IKZF2: variants seen among roughly 807,000 people sequenced by gnomAD.
The protein encoded by IKZF2 is IKAROS family zinc finger 2, also known as zinc finger protein Helios.
Under a neutral mutation model 49.2 loss-of-function variants are expected in IKZF2, and 15 were observed. That is an observed-to-expected ratio of 0.30 (90% CI 0.20 to 0.47). The LOEUF is 0.47. Among genes scored for constraint, IKZF2 ranks in the 20% least tolerant of loss-of-function variants. The pLI, the probability that IKZF2 is intolerant of heterozygous loss-of-function variation, is 1.00. For synonymous variants in IKZF2, 227 were observed against 221.4 expected (o/e 1.03, Z -0.23); for missense variants, 567 against 664.6 (o/e 0.85, Z 1.61).
In IKZF2 at chr2:213,013,742, T is replaced by C. The variant is rs1696246135; in HGVS notation, c.856+49A>G. 3 of 1,547,766 alleles carry C rather than the reference T, an allele frequency of 1.9e-6. No individual in the cohort carries two copies. In the South Asian group the frequency reaches 3.7e-5, roughly 19 times the overall value. Reference sequence around the variant, plus strand: ...TTCTAATACATGGGAACTTGCCTTTTCCTATTAACATCACCTTGCAAAGAA... The same window carrying C: ...TTCTAATACATGGGAACTTGCCTTTCCCTATTAACATCACCTTGCAAAGAA... On this transcript the variant is annotated intron_variant, in intron 8 of 8. Transcript: ENST00000434687.
intron 4 of IKZF2, among the ~76,000 whole-genome samples, chr2:213,100,139 G>T (rs1161848750): frequency 6.6e-6 from 1 of 151,970 alleles, no homozygotes; most frequent in Admixed American, 6.6e-5. Context: ...TCTGTGGGAA[G>T]GACCAATTGG....
chr2:213,061,275 C>T (rs552321695), intron 4 of IKZF2, among the ~76,000 whole-genome samples: 2 of 151,496 alleles, frequency 1.3e-5, no homozygotes, highest in African/African-American at 4.8e-5. Flanking sequence ...GACAGTTACA[C>T]TAGACTTGCC....
At chr2:213,141,631 G>A (rs1293675382) in intron 4 of IKZF2, among the ~76,000 whole-genome samples, 1 of 151,674 alleles carries the variant, frequency 6.6e-6, no homozygotes, top group Non-Finnish European at 1.5e-5. Flanking sequence ...ATAAGTCTCG[G>A]CTCAAGCAGT....
In IKZF2 at chr2:213,093,457, T is replaced by C. The variant is rs542255923; in HGVS notation, c.140-36358A>G. Among the ~76,000 whole-genome samples, 203 of 152,282 alleles carry C rather than the reference T, an allele frequency of 1.3e-3. 1 individual carries two copies. Among genetic ancestry groups the C allele is most frequent in the African/African-American group, 4.7e-3 (197 of 41,566 alleles). On this transcript the variant is annotated intron_variant, in intron 4 of 8. Coordinates refer to ENST00000434687, the MANE Select transcript of IKZF2 (RefSeq NM_001387220.1). Reference sequence around the variant, plus strand: ...ATCTGAGTGGCCCCCACTCCTTACCTCCTCTATAGTTTAAATTTCACTTAC... The same window carrying C: ...ATCTGAGTGGCCCCCACTCCTTACCCCCTCTATAGTTTAAATTTCACTTAC...
chr2:213,093,084 T>A (rs1705542361), intron 4 of IKZF2, among the ~76,000 whole-genome samples: 1 of 152,182 alleles, frequency 6.6e-6, no homozygotes, highest in Non-Finnish European at 1.5e-5. Flanking sequence ...GTTATTCAAG[T>A]AATACAGAAG....
chr2:213,136,399 AAAAAG>A (rs148369700), intron 4 of IKZF2, among the ~76,000 whole-genome samples: 39,209 of 127,120 alleles, frequency 0.31, 11,123 homozygotes, highest in East Asian at 0.82. Flanking sequence ...AAAGAAAAAG[AAAAAG>A]AAAAGAAAAA....
At chr2:213,111,191 G>A (rs1202955517) in intron 4 of IKZF2, among the ~76,000 whole-genome samples, 2 of 151,922 alleles carry the variant, frequency 1.3e-5, no homozygotes, top group African/African-American at 4.8e-5. Context: ...GCTTCCCATA[G>A]TAAGACCATA....
intron 7 of IKZF2, chr2:213,014,724 C>T (rs1049901917): frequency 6.6e-6 from 1 of 151,926 alleles, no homozygotes; most frequent in African/African-American, 2.4e-5. Context: ...ATTCATAGTG[C>T]AGACAAAGAA....
chr2:213,115,914 G>GAA (rs796848683), intron 4 of IKZF2, among the ~76,000 whole-genome samples: 8 of 144,212 alleles, frequency 5.5e-5, no homozygotes, highest in African/African-American at 1.8e-4. Context: ...GTGTATGACA[G>GAA]AAAAAAAAAA....
intron 4 of IKZF2, among the ~76,000 whole-genome samples, chr2:213,123,493 C>T (rs2060123404): frequency 6.6e-6 from 1 of 151,986 alleles, no homozygotes; most frequent in African/African-American, 2.4e-5. Flanking sequence ...AAAGGATATA[C>T]CTAATGTAAA....
chr2:213,007,740 T>G lies in IKZF2; in HGVS notation c.1201A>C (p.Ser401Arg). Residue 401 changes from serine (S) to arginine (R), a missense_variant, in exon 9 of 9, where the codon AGC becomes CGC. By Grantham distance (110) the Ser-to-Arg change is moderately radical. Around this residue, in one of 5 missense-constraint regions of IKZF2, gnomAD observed 310 missense variants for 326.9 expected, o/e 0.95. Transcript: ENST00000434687. ...TCAGTGGAATCCAGGCAGCTATTGC[T>G]GGGAGAGGCCTCTCTTTCCTGGGGT... ...SRPQEREASPSNSCLDSTDSE... is the reference protein window; with the variant it reads ...SRPQEREASPRNSCLDSTDSE... The G allele has an allele frequency of 6.2e-7, 1 of 1,613,740 alleles. No individual in the cohort carries two copies. Among genetic ancestry groups the G allele is most frequent in the East Asian group, 2.2e-5 (1 of 44,840 alleles).
At chr2:213,013,656 AAAG>A in intron 8 of IKZF2, 132 bp downstream of exon 8, 3 of 771,268 alleles carry the variant, frequency 3.9e-6, no homozygotes, top group Non-Finnish European at 6.1e-6. Context: ...AGAGAGTAAA[AAAG>A]AATAATGAAG....
intron 4 of IKZF2, among the ~76,000 whole-genome samples, chr2:213,105,460 C>G (rs1330446586): frequency 2.0e-5 from 3 of 151,780 alleles, no homozygotes; most frequent in Non-Finnish European, 2.9e-5. Context: ...TGTTCTCATT[C>G]CTGGACTGGT....
intron 6 of IKZF2, among the ~76,000 whole-genome samples, chr2:213,036,326 T>C (rs1421637806): frequency 6.6e-6 from 1 of 152,192 alleles, no homozygotes; most frequent in African/African-American, 2.4e-5. Context: ...CATCTCTTTC[T>C]TTAAACTTGA....
At chr2:213,076,130 A>T (rs1377361991) in intron 4 of IKZF2, among the ~76,000 whole-genome samples, 5 of 148,284 alleles carry the variant, frequency 3.4e-5, no homozygotes, top group African/African-American at 1.3e-4. Flanking sequence ...GATTTTTTTT[A>T]AACAGGCAGG....
Position 213,006,738 on chromosome 2 carries a change from G to A in IKZF2, c.*622C>T, listed in dbSNP as rs1695376473. Reference sequence around the variant, plus strand: ...TGTAGGTGGCCCTTAACTACCTGTAGTTTAAAAGTTTTGCTATATGGTACA... The same window carrying A: ...TGTAGGTGGCCCTTAACTACCTGTAATTTAAAAGTTTTGCTATATGGTACA... On this transcript the variant is annotated 3_prime_UTR_variant, in exon 9 of 9. Transcript: ENST00000434687. 2 of 152,506 alleles carry A rather than the reference G, an allele frequency of 1.3e-5. No individual in the cohort carries two copies. Among genetic ancestry groups the A allele is most frequent in the Non-Finnish European group, 2.9e-5 (2 of 68,002 alleles). The allele number at this position is 152,506 out of a possible 1,614,324, so 9.4% of individuals were successfully genotyped here.
At chr2:213,010,061 T>C (rs1695781026) in intron 8 of IKZF2, among the ~76,000 whole-genome samples, 1 of 152,126 alleles carries the variant, frequency 6.6e-6, no homozygotes. Flanking sequence ...AAGGTATTCA[T>C]TTAGCAAAGG....
At chr2:213,021,897 T>A in intron 7 of IKZF2, 96 bp downstream of exon 7, 3 of 1,297,514 alleles carry the variant, frequency 2.3e-6, no homozygotes, top group Non-Finnish European at 3.2e-6. Flanking sequence ...GTTAAAGTGA[T>A]CTAAAATAGT....
At chr2:213,025,476 T>G (rs1455024154) in intron 6 of IKZF2, among the ~76,000 whole-genome samples, 1 of 152,166 alleles carries the variant, frequency 6.6e-6, no homozygotes, top group Non-Finnish European at 1.5e-5. Flanking sequence ...GTTGATGCAT[T>G]ACTTATAACA....
Sources: allele counts gnomAD v4.1 joint callset (sites outside exome capture counted in the v4.1 genomes callset), GRCh38; gene constraint gnomAD v4.1.1; regional missense constraint gnomAD v4.1.1; transcripts MANE v1.5; gene names NCBI Gene and HGNC (gene_info 2026-07-23, HGNC 2026-07-21).